Variants in MARCHF4 observed in about 807,000 individuals in gnomAD.
MARCHF4 encodes E3 ubiquitin-protein ligase MARCHF4.
In MARCHF4, 14 loss-of-function variants were observed where a neutral mutation model predicts 43.9. The observed-to-expected ratio is 0.32, with a 90% CI of 0.21 to 0.50. MARCHF4 has a LOEUF of 0.50. MARCHF4 is among the 20% of genes least tolerant of loss of function. The pLI is 0.98. For synonymous variants in MARCHF4, 226 were observed against 213.3 expected (o/e 1.06, Z -0.52); for missense variants, 468 against 536.7 (o/e 0.87, Z 1.27).
At chr2:216,290,210 A>C (rs992973622) in intron 1 of MARCHF4, among the ~76,000 whole-genome samples, 2 of 152,192 alleles carry the variant, frequency 1.3e-5, no homozygotes, top group Admixed American at 6.5e-5. Flanking sequence ...GAAATCCTAC[A>C]TAGGGTGACT....
intron 1 of MARCHF4, among the ~76,000 whole-genome samples, chr2:216,324,000 C>G (rs1189825077): frequency 2.0e-5 from 3 of 151,820 alleles, no homozygotes; most frequent in Admixed American, 2.0e-4. Context: ...ACAAAAAAAC[C>G]CTTCAAAAAA....
chr2:216,278,355 C>G (rs1236413903), intron 2 of MARCHF4, among the ~76,000 whole-genome samples: 2 of 152,194 alleles, frequency 1.3e-5, no homozygotes, highest in African/African-American at 4.8e-5. Flanking sequence ...TCCCAAGTAG[C>G]TGGGACTACA....
intron 1 of MARCHF4, among the ~76,000 whole-genome samples, chr2:216,296,571 T>C (rs1481683337): frequency 2.0e-5 from 3 of 152,178 alleles, no homozygotes; most frequent in African/African-American, 7.2e-5. Flanking sequence ...GGGTTTTGTT[T>C]TGTCTGCAGA....
At chr2:216,274,551 AC>A (rs1690992000) in intron 3 of MARCHF4, among the ~76,000 whole-genome samples, 1 of 152,102 alleles carries the variant, frequency 6.6e-6, no homozygotes, top group Non-Finnish European at 1.5e-5. Context: ...TCACCCTCAA[AC>A]CACTGTCATC....
chr2:216,329,337 C>A (rs62181084), intron 1 of MARCHF4, among the ~76,000 whole-genome samples: 3 of 152,024 alleles, frequency 2.0e-5, no homozygotes, highest in Non-Finnish European at 4.4e-5. Context: ...GCCGAGATGG[C>A]GCCACTGGAC....
intron 1 of MARCHF4, among the ~76,000 whole-genome samples, chr2:216,330,190 A>G (rs1692064977): frequency 6.6e-6 from 1 of 152,200 alleles, no homozygotes; most frequent in Non-Finnish European, 1.5e-5. Flanking sequence ...AAGCACTACC[A>G]GAGAGATTAA....
intron 3 of MARCHF4, among the ~76,000 whole-genome samples, chr2:216,276,736 G>T (rs1691028725): frequency 6.6e-6 from 1 of 152,160 alleles, no homozygotes; most frequent in South Asian, 2.1e-4. Context: ...ATGCTCCCAG[G>T]ACTGTGACTT....
At chr2:216,281,058 CTTTTTTT>C (rs58189904) in intron 2 of MARCHF4, among the ~76,000 whole-genome samples, 41 of 104,284 alleles carry the variant, frequency 3.9e-4, no homozygotes, top group East Asian at 3.1e-3. Context: ...TTTCTCACAA[CTTTTTTT>C]TTTTTTTTTT....
Position 216,283,666 on chromosome 2 carries a change from T to G in MARCHF4, c.580A>C (p.Ile194Leu). The change falls in exon 2 of 4, where the codon ATC (isoleucine) becomes CTC (leucine). Residue 194 changes from isoleucine (I) to leucine (L), a missense_variant. Ile to Leu is a conservative substitution (Grantham distance 5). This residue lies in a region of MARCHF4 where 158 missense variants were observed against 251.1 expected (regional missense o/e 0.63). Coordinates refer to ENST00000273067, the MANE Select transcript of MARCHF4 (RefSeq NM_020814.3). ...SVKCTHQPCL[I>L]KWISERGCWS... ...CAGCCCCGCTCGCTGATCCACTTGA[T>G]GAGGCAAGGCTGGTGTGTGCACTTG... 1 of 1,613,718 alleles carries G rather than the reference T, an allele frequency of 6.2e-7. No individual in the cohort carries two copies. Among genetic ancestry groups the G allele is most frequent in the East Asian group, 2.2e-5 (1 of 44,874 alleles).
In MARCHF4 at chr2:216,366,846, G is replaced by A. The variant is rs1299151170; in HGVS notation, c.516+2899C>T. On this transcript the variant is annotated intron_variant, in intron 1 of 3. Transcript: ENST00000273067. ...TGTCTCTACTAGAATGTCAGCTTCA[G>A]GAGAGCAGAAATCTCATCTATTTTG... Among the ~76,000 whole-genome samples, 7 of 152,114 alleles carry A rather than the reference G, an allele frequency of 4.6e-5. No individual in the cohort carries two copies. In the East Asian group the frequency reaches 1.2e-3, roughly 25 times the overall value.
At chr2:216,274,373 T>G (rs567797889) in intron 3 of MARCHF4, among the ~76,000 whole-genome samples, 1 of 152,318 alleles carries the variant, frequency 6.6e-6, no homozygotes, top group Non-Finnish European at 1.5e-5. Context: ...TGAGTCAGAA[T>G]GTCTAGTTGA....
intron 1 of MARCHF4, among the ~76,000 whole-genome samples, chr2:216,345,753 G>A (rs1188736252): frequency 2.0e-5 from 3 of 152,174 alleles, no homozygotes; most frequent in Non-Finnish European, 4.4e-5. Flanking sequence ...TGTTTGAAAT[G>A]CAGAATTTCG....
chr2:216,355,970 T>C lies in MARCHF4; in HGVS notation c.516+13775A>G, dbSNP rs1692495801. On this transcript the variant is annotated intron_variant, in intron 1 of 3. Coordinates refer to ENST00000273067, the MANE Select transcript of MARCHF4 (RefSeq NM_020814.3). Reference sequence around the variant, plus strand: ...CACCAGCTGCCTACACTCATTCACCTGCCGCTGGCTGGTTTTGGCACTTGT... The same window carrying C: ...CACCAGCTGCCTACACTCATTCACCCGCCGCTGGCTGGTTTTGGCACTTGT... Among the ~76,000 whole-genome samples the C allele has an allele frequency of 2.0e-5, 3 of 152,352 alleles. No homozygotes were observed. The South Asian group carries it at 6.2e-4, about 32-fold the overall frequency.
chr2:216,327,966 A>AAG (rs1220059998), intron 1 of MARCHF4, among the ~76,000 whole-genome samples: 1 of 151,840 alleles, frequency 6.6e-6, no homozygotes, highest in African/African-American at 2.4e-5. Context: ...GCAAAAAAAA[A>AAG]AAAAGAAAAG....
At chr2:216,302,666 G>C (rs2105950425) in intron 1 of MARCHF4, among the ~76,000 whole-genome samples, 1 of 152,012 alleles carries the variant, frequency 6.6e-6, no homozygotes, top group South Asian at 2.1e-4. Context: ...GGGAGGCTGA[G>C]GTGGGCGGAT....
chr2:216,263,545 G>A (rs1459424069), intron 3 of MARCHF4, among the ~76,000 whole-genome samples: 3 of 150,276 alleles, frequency 2.0e-5, no homozygotes, highest in Non-Finnish European at 3.0e-5. Flanking sequence ...GAGAAAGAGA[G>A]AGAGAGAAAG....
intron 1 of MARCHF4, among the ~76,000 whole-genome samples, chr2:216,366,738 C>G (rs1383598491): frequency 6.6e-6 from 1 of 152,104 alleles, no homozygotes; most frequent in Non-Finnish European, 1.5e-5. Flanking sequence ...CCTTTCATTC[C>G]TTTCTAACTC....
intron 1 of MARCHF4, among the ~76,000 whole-genome samples, chr2:216,322,609 A>G (rs7591642): frequency 0.58 from 87,851 of 151,886 alleles, 26,610 homozygotes; most frequent in East Asian, 0.78. Context: ...ATCACCTGAG[A>G]TCAGGAGTTC....
chr2:216,307,975 G>A (rs1691617220), intron 1 of MARCHF4, among the ~76,000 whole-genome samples: 1 of 152,170 alleles, frequency 6.6e-6, no homozygotes, highest in South Asian at 2.1e-4. Flanking sequence ...AGGATTGCTT[G>A]AGCCCAGGAG....
Sources: gnomAD v4.1 joint callset for allele counts (sites outside exome capture counted in the v4.1 genomes callset) on GRCh38, gnomAD v4.1.1 for gene constraint, gnomAD v4.1.1 regional missense constraint, MANE v1.5 for transcripts, NCBI Gene and HGNC (gene_info 2026-07-23, HGNC 2026-07-21) for gene names.